Variants in DNTT observed in about 807,000 individuals in gnomAD.
The protein encoded by DNTT is nucleosidetriphosphate:DNA deoxynucleotidylexotransferase.
A neutral mutation model predicts 60.9 loss-of-function variants in DNTT; 47 were observed. That is an observed-to-expected ratio of 0.77 (90% CI 0.61 to 0.98). DNTT has a LOEUF of 0.98. Among genes scored for constraint, DNTT ranks in the 50% least tolerant of loss-of-function variants. The pLI, the probability that DNTT is intolerant of heterozygous loss-of-function variation, is 0.00. For synonymous variants in DNTT, 224 were observed against 221.2 expected (o/e 1.01, Z -0.11); for missense variants, 665 against 627.5 (o/e 1.06, Z -0.64).
intron 1 of DNTT, among the ~76,000 whole-genome samples, chr10:96,316,153 A>T (rs1363054218): frequency 6.6e-6 from 1 of 152,192 alleles, no homozygotes; most frequent in East Asian, 1.9e-4. Flanking sequence ...TCCCCCAAAG[A>T]GACGCAACTT....
chr10:96,320,211 C>T (rs2133988575), intron 3 of DNTT, among the ~76,000 whole-genome samples: 1 of 152,314 alleles, frequency 6.6e-6, no homozygotes, highest in African/African-American at 2.4e-5. Flanking sequence ...CTCATTCATT[C>T]AACAAGCCTG....
intron 9 of DNTT, among the ~76,000 whole-genome samples, chr10:96,332,939 G>A (rs1272614805): frequency 6.6e-6 from 1 of 152,120 alleles, no homozygotes; most frequent in African/African-American, 2.4e-5. Flanking sequence ...AGGCTTCTAG[G>A]TGTTTCTGAT....
chr10:96,334,431 G>A (rs1209884744), intron 9 of DNTT, among the ~76,000 whole-genome samples: 5 of 152,170 alleles, frequency 3.3e-5, no homozygotes, highest in African/African-American at 1.2e-4. Context: ...AGTCCCATTC[G>A]CATGTGTTCC....
intron 8 of DNTT, among the ~76,000 whole-genome samples, chr10:96,330,049 T>A (rs1442924492): frequency 6.6e-6 from 1 of 152,066 alleles, no homozygotes; most frequent in Non-Finnish European, 1.5e-5. Context: ...AGTCAACCAG[T>A]GGGTATTGAT....
At chr10:96,325,504 G>T (rs928587852) in intron 6 of DNTT, among the ~76,000 whole-genome samples, 54 of 152,178 alleles carry the variant, frequency 3.5e-4, no homozygotes, top group African/African-American at 1.3e-3. Flanking sequence ...TGTTTCATTT[G>T]GATGAAACCC....
At chr10:96,316,809 T>C (rs922568736) in intron 1 of DNTT, among the ~76,000 whole-genome samples, 7 of 152,164 alleles carry the variant, frequency 4.6e-5, no homozygotes, top group Non-Finnish European at 7.3e-5. Context: ...ATAATTCACA[T>C]CATAAGCCAT....
chr10:96,323,595 G>T (rs1159067104), intron 5 of DNTT, among the ~76,000 whole-genome samples: 1 of 152,098 alleles, frequency 6.6e-6, no homozygotes, highest in Non-Finnish European at 1.5e-5. Flanking sequence ...GTGGGGACAG[G>T]ACGGAACTGC....
chr10:96,319,859 C>T (rs1262402850), intron 3 of DNTT, among the ~76,000 whole-genome samples: 1 of 152,200 alleles, frequency 6.6e-6, no homozygotes, highest in African/African-American at 2.4e-5. Context: ...GAGCCTGTCT[C>T]CTCATCTATT....
chr10:96,315,682 C>T (rs990474219), intron 1 of DNTT, among the ~76,000 whole-genome samples: 4 of 151,598 alleles, frequency 2.6e-5, no homozygotes, highest in African/African-American at 9.7e-5. Flanking sequence ...CTTTAACATA[C>T]CCTTCTCCCT....
chr10:96,322,339 G>A (rs1447335881), intron 4 of DNTT, among the ~76,000 whole-genome samples: 1 of 152,188 alleles, frequency 6.6e-6, no homozygotes, highest in East Asian at 1.9e-4. Context: ...CATATTCATT[G>A]AAGAGAAAAT....
In DNTT at chr10:96,328,751, A is replaced by AT. The variant is rs747764814; in HGVS notation, c.1040dup (p.Leu347PhefsTer11). On this transcript the variant is annotated frameshift_variant, in exon 8 of 11. Coordinates refer to ENST00000371174, the MANE Select transcript of DNTT (RefSeq NM_004088.4). LOFTEE classifies it high-confidence loss of function. ...GGTAAGAAGATGGGGCATGATGTAG[A>AT]TTTTTTAATTACCAGCCCAGGATCA... The AT allele has an allele frequency of 3.8e-5, 62 of 1,613,748 alleles. No individual in the cohort carries two copies. Among genetic ancestry groups the AT allele is most frequent in the Non-Finnish European group, 4.8e-5 (57 of 1,179,902 alleles).
intron 1 of DNTT, among the ~76,000 whole-genome samples, chr10:96,307,701 GTGTGTATATATATATATA>G (rs1271973694): frequency 2.4e-5 from 2 of 85,026 alleles, no homozygotes; most frequent in African/African-American, 7.6e-5. Context: ...GTGTGTGTGT[GTGTGTATATATATATATA>G]TATATATATA....
intron 4 of DNTT, 150 bp from the exon 5 acceptor site, chr10:96,322,507 T>C: frequency 2.1e-6 from 1 of 479,680 alleles, no homozygotes; most frequent in Admixed American, 4.0e-5. Context: ...GGAAATGTCT[T>C]GTTTTCTCCA....
intron 1 of DNTT, among the ~76,000 whole-genome samples, chr10:96,312,413 G>A (rs186956659): frequency 5.7e-4 from 87 of 152,206 alleles, no homozygotes; most frequent in Non-Finnish European, 1.0e-4. Context: ...CAATCTCTGG[G>A]ACCCCAGAGC....
At chr10:96,324,498 T>C (rs1305903567) in intron 6 of DNTT, 109 bp downstream of exon 6, 3 of 1,433,110 alleles carry the variant, frequency 2.1e-6, no homozygotes, top group Non-Finnish European at 2.8e-6. Flanking sequence ...GGACACTTCT[T>C]TGATGTCCAT....
At chr10:96,305,871 C>T (rs1844627862) in intron 1 of DNTT, among the ~76,000 whole-genome samples, 1 of 152,140 alleles carries the variant, frequency 6.6e-6, no homozygotes, top group Non-Finnish European at 1.5e-5. Flanking sequence ...TTTCCTATGG[C>T]CCTTCTTCCA....
chr10:96,331,902 T>G (rs1233689182), intron 8 of DNTT, among the ~76,000 whole-genome samples: 1 of 152,206 alleles, frequency 6.6e-6, no homozygotes, highest in African/African-American at 2.4e-5. Context: ...CTCAGCCTCC[T>G]GAGTAGCTGG....
At chr10:96,314,626 A>C (rs748866041) in intron 1 of DNTT, among the ~76,000 whole-genome samples, 16 of 149,986 alleles carry the variant, frequency 1.1e-4, no homozygotes, top group Non-Finnish European at 1.9e-4. Flanking sequence ...GTTAGCCAGG[A>C]TGGTCTTGAT....
chr10:96,309,656 G>T (rs1190804057), intron 1 of DNTT, among the ~76,000 whole-genome samples: 1 of 152,088 alleles, frequency 6.6e-6, no homozygotes, highest in East Asian at 1.9e-4. Flanking sequence ...GCAATCTCAT[G>T]GTAGTAAAAT....
Sources: gnomAD v4.1 joint callset for allele counts (sites outside exome capture counted in the v4.1 genomes callset) on GRCh38, gnomAD v4.1.1 for gene constraint, MANE v1.5 for transcripts, NCBI Gene and HGNC (gene_info 2026-07-23, HGNC 2026-07-21) for gene names.